The following ITGA8 variants were observed in gnomAD, a reference collection of about 807,000 sequenced individuals.
The protein encoded by ITGA8 is integrin alpha-8.
A neutral mutation model predicts 142.3 loss-of-function variants in ITGA8; 91 were observed. That is an observed-to-expected ratio of 0.64 (90% CI 0.54 to 0.76). The LOEUF (loss-of-function observed/expected upper bound fraction) is 0.76. Among genes scored for constraint, ITGA8 ranks in the 30% least tolerant of loss-of-function variants. ITGA8 has a pLI of 0.00. For synonymous variants in ITGA8, 505 were observed against 485.2 expected, an observed-to-expected ratio of 1.04 and a Z score of -0.54; for missense variants, 1,406 against 1,327.7, an observed-to-expected ratio of 1.06 and a Z score of -0.92.
At chr10:15,687,879 A>G (rs375297011) in intron 3 of ITGA8, 59 bp downstream of exon 3, 4 of 1,004,522 alleles carry the variant, frequency 4.0e-6, no homozygotes, top group African/African-American at 1.6e-5. Context: ...TGAGCTTGAA[A>G]ACATTCCAGT....
rs1051126412 is a variant in ITGA8, at chr10:15,516,363, G to A, written c.*795C>T. 2.0e-5 allele frequency: 3 copies of A among 152,178 alleles called. No individual in the cohort carries two copies. The highest frequency in any genetic ancestry group is 7.2e-5 in the African/African-American group (3 of 41,444). 9.4% of individuals were successfully genotyped at this position (152,178 alleles called of 1,614,324 possible). A position where few individuals can be genotyped will look rare whatever the true frequency, so the allele number is the denominator to read the frequency against. ...AGGAATTTCAGATGGAAGGCAGCAA[G>A]GTATTAAATAGAACTGATTCCTAAT... is the stretch of plus-strand genomic sequence containing the variant. On this transcript the variant is annotated 3_prime_UTR_variant, in exon 30 of 30. Transcript: ENST00000378076.
chr10:15,640,070 C>A (rs1280818371), intron 13 of ITGA8, among the ~76,000 whole-genome samples: 2 of 152,152 alleles, frequency 1.3e-5, no homozygotes, highest in African/African-American at 4.8e-5. Flanking sequence ...GGCAGAGAGT[C>A]CGGGGGTAGA....
At chr10:15,641,950 A>T (rs1833879582) in intron 13 of ITGA8, among the ~76,000 whole-genome samples, 1 of 152,126 alleles carries the variant, frequency 6.6e-6, no homozygotes, top group African/African-American at 2.4e-5. Flanking sequence ...CAACATGGTA[A>T]AACCCCATCT....
intron 2 of ITGA8, among the ~76,000 whole-genome samples, chr10:15,710,892 G>A (rs1231083185): frequency 3.9e-5 from 6 of 152,100 alleles, no homozygotes; most frequent in East Asian, 1.9e-4. Context: ...CTTCTCTCTC[G>A]TGTCAGTATG....
intron 25 of ITGA8, among the ~76,000 whole-genome samples, chr10:15,560,204 A>G (rs1833949739): frequency 6.6e-6 from 1 of 152,174 alleles, no homozygotes; most frequent in African/African-American, 2.4e-5. Context: ...ATCTAAGCCC[A>G]GGAGTTCAAG....
intron 25 of ITGA8, among the ~76,000 whole-genome samples, chr10:15,561,222 T>TACAC: frequency 9.6e-6 from 1 of 104,370 alleles, no homozygotes; most frequent in South Asian, 3.0e-4. Flanking sequence ...TATATATATA[T>TACAC]ATATATATAT....
At chr10:15,707,961 GACACAC>G (rs138462340) in intron 2 of ITGA8, among the ~76,000 whole-genome samples, 15,246 of 144,896 alleles carry the variant, frequency 0.11, 923 homozygotes, top group Middle Eastern at 0.18. Context: ...TGCACACACC[GACACAC>G]ACACACACAC....
intron 28 of ITGA8, among the ~76,000 whole-genome samples, chr10:15,525,220 C>A (rs1833148258): frequency 6.6e-6 from 1 of 152,030 alleles, no homozygotes; most frequent in Non-Finnish European, 1.5e-5. Context: ...TTATTAAACA[C>A]CCTATGTTCT....
chr10:15,596,707 G>T (rs1057970), intron 21 of ITGA8: 3,237 of 154,924 alleles, frequency 0.021, 129 homozygotes, highest in African/African-American at 0.074. Context: ...AGGCTAAAAG[G>T]TTTATTAACT....
intron 2 of ITGA8, 21 bp from the exon 3 acceptor site, chr10:15,688,059 A>C: frequency 6.6e-7 from 1 of 1,518,866 alleles, no homozygotes; most frequent in South Asian, 1.1e-5. Flanking sequence ...AGATAGGAAG[A>C]GTTAATAATT....
At chr10:15,616,401 G>A (rs1412788969) in intron 14 of ITGA8, 113 bp downstream of exon 14, 1 of 824,942 alleles carries the variant, frequency 1.2e-6, no homozygotes, top group Non-Finnish European at 2.0e-6. Context: ...TTTAAAAAGA[G>A]CATCTAAATA....
At chr10:15,629,007 G>A (rs543506712) in intron 13 of ITGA8, among the ~76,000 whole-genome samples, 7 of 151,868 alleles carry the variant, frequency 4.6e-5, no homozygotes, top group African/African-American at 9.7e-5. Context: ...CTGCAAGTGC[G>A]GCCCAGGCTG....
intron 15 of ITGA8, among the ~76,000 whole-genome samples, chr10:15,610,668 G>T (rs1284940092): frequency 6.6e-6 from 1 of 152,192 alleles, no homozygotes; most frequent in Non-Finnish European, 1.5e-5. Context: ...TCTGCGTTGT[G>T]ACTGTGCTCA....
At chr10:15,665,245 T>C (rs1461052868) in intron 8 of ITGA8, among the ~76,000 whole-genome samples, 1 of 152,236 alleles carries the variant, frequency 6.6e-6, no homozygotes, top group Non-Finnish European at 1.5e-5. Flanking sequence ...GTGGTTTTGA[T>C]TTGCATTTCT....
intron 2 of ITGA8, among the ~76,000 whole-genome samples, chr10:15,711,270 C>T (rs1366391452): frequency 6.6e-6 from 1 of 152,160 alleles, no homozygotes; most frequent in Admixed American, 6.5e-5. Context: ...ACATGATGAT[C>T]TGACCAATCG....
intron 13 of ITGA8, among the ~76,000 whole-genome samples, chr10:15,630,570 T>G (rs978064480): frequency 6.6e-6 from 1 of 151,918 alleles, no homozygotes; most frequent in Non-Finnish European, 1.5e-5. Context: ...AGGGAAGGCT[T>G]CCTGAGGAAG....
chr10:15,519,197 C>T, intron 29 of ITGA8, 93 bp downstream of exon 29: 1 of 1,477,334 alleles, frequency 6.8e-7, no homozygotes, highest in Non-Finnish European at 9.2e-7. Context: ...AAAAATGCCT[C>T]CATAATTGTC....
chr10:15,552,551 A>G (rs115105722), intron 26 of ITGA8, among the ~76,000 whole-genome samples: 223 of 152,244 alleles, frequency 1.5e-3, no homozygotes, highest in African/African-American at 5.2e-3. Flanking sequence ...CTTTTTTATT[A>G]TACTTTAAAT....
intron 11 of ITGA8, among the ~76,000 whole-genome samples, chr10:15,654,942 G>A (rs979525284): frequency 1.3e-5 from 2 of 152,058 alleles, no homozygotes; most frequent in Non-Finnish European, 2.9e-5. Flanking sequence ...TAACAATTTC[G>A]TCTTCTCCAT....
Sources: gnomAD v4.1 joint callset for allele counts (sites outside exome capture counted in the v4.1 genomes callset) on GRCh38, gnomAD v4.1.1 for gene constraint, MANE v1.5 for transcripts, NCBI Gene and HGNC (gene_info 2026-07-23, HGNC 2026-07-21) for gene names.